The following MACROD2 variants were observed in gnomAD, a reference collection of about 807,000 sequenced individuals.
The protein encoded by MACROD2 is mono-ADP ribosylhydrolase 2.
MACROD2 carries 36 observed loss-of-function variants against 70.4 expected under a neutral mutation model. The observed-to-expected ratio is 0.51, with a 90% confidence interval of 0.39 to 0.68. The LOEUF (loss-of-function observed/expected upper bound fraction) is 0.68. MACROD2 is among the 30% of genes least tolerant of loss of function. MACROD2 has a pLI of 0.00. For synonymous variants in MACROD2, 172 were observed against 178.8 expected, an observed-to-expected ratio of 0.96 and a Z score of 0.30; for missense variants, 496 against 538.4, an observed-to-expected ratio of 0.92 and a Z score of 0.78.
chr20:14,984,310 T>C (rs2074829159), intron 5 of MACROD2, among the ~76,000 whole-genome samples: 1 of 152,170 alleles, frequency 6.6e-6, no homozygotes, highest in Non-Finnish European at 1.5e-5. Flanking sequence ...GGAGAACTAG[T>C]AGTAGCAGGA....
At chr20:15,193,695 C>T (rs2076586600) in intron 5 of MACROD2, among the ~76,000 whole-genome samples, 1 of 151,742 alleles carries the variant, frequency 6.6e-6, no homozygotes, top group Admixed American at 6.6e-5. Flanking sequence ...AATAGCCTGC[C>T]GTCTTGCACG....
intron 5 of MACROD2, among the ~76,000 whole-genome samples, chr20:14,754,974 G>A (rs1600629416): frequency 1.3e-5 from 2 of 152,090 alleles, no homozygotes; most frequent in East Asian, 3.9e-4. Flanking sequence ...AATGGCTTAC[G>A]ATAAGCAAAA....
chr20:14,450,802 G>A (rs536557057), intron 3 of MACROD2, among the ~76,000 whole-genome samples: 6 of 152,012 alleles, frequency 3.9e-5, no homozygotes, highest in Non-Finnish European at 8.8e-5. Context: ...AAGGAAAAGG[G>A]GCTAGAAGGT....
intron 5 of MACROD2, among the ~76,000 whole-genome samples, chr20:15,098,591 G>A (rs2123187186): frequency 6.6e-6 from 1 of 152,304 alleles, no homozygotes; most frequent in Non-Finnish European, 1.5e-5. Context: ...ACTATGCGAG[G>A]CATCATGCTT....
intron 4 of MACROD2, among the ~76,000 whole-genome samples, chr20:14,495,075 ATTGAC>A (rs2084838565): frequency 6.6e-6 from 1 of 152,210 alleles, no homozygotes; most frequent in Non-Finnish European, 1.5e-5. Context: ...ATTTCAAAAA[ATTGAC>A]TTGACTAATT....
chr20:15,561,895 T>C (rs1053627389), intron 8 of MACROD2, among the ~76,000 whole-genome samples: 2 of 151,972 alleles, frequency 1.3e-5, no homozygotes, highest in African/African-American at 4.8e-5. Context: ...AAGAGACTAT[T>C]TAGTAGATCT....
chr20:15,335,604 T>C (rs1828202770), intron 6 of MACROD2, among the ~76,000 whole-genome samples: 1 of 151,746 alleles, frequency 6.6e-6, no homozygotes, highest in African/African-American at 2.4e-5. Flanking sequence ...ACATTAGTAA[T>C]GCAGACAGCC....
At chr20:15,215,609 G>T (rs567634630) in intron 5 of MACROD2, among the ~76,000 whole-genome samples, 2 of 151,940 alleles carry the variant, frequency 1.3e-5, no homozygotes, top group Non-Finnish European at 2.9e-5. Context: ...TCAGAAAAAA[G>T]TGTGAAGGCA....
At chr20:14,595,928 T>C (rs570496131) in intron 4 of MACROD2, among the ~76,000 whole-genome samples, 11 of 152,262 alleles carry the variant, frequency 7.2e-5, no homozygotes, top group Middle Eastern at 6.8e-3. Flanking sequence ...ACGAGGAACA[T>C]TCCTATACTT....
chr20:15,221,916 A>G (rs763664828), intron 5 of MACROD2, among the ~76,000 whole-genome samples: 27 of 152,214 alleles, frequency 1.8e-4, no homozygotes, highest in Non-Finnish European at 3.5e-4. Context: ...GTATGCCTCT[A>G]TCAACTGTAA....
intron 5 of MACROD2, among the ~76,000 whole-genome samples, chr20:15,103,388 C>A: frequency 6.6e-6 from 1 of 152,014 alleles, no homozygotes; most frequent in East Asian, 1.9e-4. Flanking sequence ...TTTTCCTAGA[C>A]ATCCCCAGTA....
At chr20:15,156,463 A>G (rs2076307477) in intron 5 of MACROD2, among the ~76,000 whole-genome samples, 1 of 152,150 alleles carries the variant, frequency 6.6e-6, no homozygotes, top group African/African-American at 2.4e-5. Flanking sequence ...GTCACTGTTG[A>G]CTTATCTCTC....
intron 6 of MACROD2, among the ~76,000 whole-genome samples, chr20:15,363,402 C>T (rs966131645): frequency 1.7e-4 from 26 of 152,162 alleles, no homozygotes; most frequent in African/African-American, 6.0e-4. Context: ...GGAAAACAGA[C>T]ATTTAAAACC....
intron 9 of MACROD2, among the ~76,000 whole-genome samples, chr20:15,869,236 T>TAGAGAGAGAG (rs1423223643): frequency 5.1e-3 from 170 of 33,452 alleles, no homozygotes; most frequent in African/African-American, 0.011. Flanking sequence ...TATATATATA[T>TAGAGAGAGAG]ATAGAGAGAG....
chr20:15,335,943 C>T (rs374283515), intron 6 of MACROD2, among the ~76,000 whole-genome samples: 36 of 151,798 alleles, frequency 2.4e-4, no homozygotes, highest in African/African-American at 3.4e-4. Flanking sequence ...ACATGCCTTG[C>T]GCTTTCTAGC....
At chr20:14,248,746 T>A (rs2081987211) in intron 3 of MACROD2, among the ~76,000 whole-genome samples, 1 of 151,986 alleles carries the variant, frequency 6.6e-6, no homozygotes, top group African/African-American at 2.4e-5. Flanking sequence ...CAGAAAAAAA[T>A]CCCAAATCTG....
intron 6 of MACROD2, among the ~76,000 whole-genome samples, chr20:15,378,373 G>C (rs1011002533): frequency 9.9e-5 from 15 of 151,860 alleles, no homozygotes; most frequent in African/African-American, 3.6e-4. Flanking sequence ...GGCATGAGGA[G>C]ATGATACTGT....
rs546456522 is a variant in MACROD2, at chr20:15,843,876, C to T, written c.646-18869C>T. Among the ~76,000 whole-genome samples, 6 of 152,144 alleles carry T rather than the reference C, an allele frequency of 3.9e-5. No individual in the cohort carries two copies. The South Asian group carries it at 1.2e-3, about 32-fold the overall frequency. ...ATTTTTATGACAAATCATGCTGTAACCTTTGTAAGTTGGACATCAGTAATG... is the reference window on the plus strand; with the variant it reads ...ATTTTTATGACAAATCATGCTGTAATCTTTGTAAGTTGGACATCAGTAATG... On this transcript the variant is annotated intron_variant, in intron 8 of 17. Coordinates refer to ENST00000684519, the MANE Select transcript of MACROD2 (RefSeq NM_001351661.2).
At chr20:14,758,155 A>T (rs924194269) in intron 5 of MACROD2, 3 of 307,904 alleles carry the variant, frequency 9.7e-6, no homozygotes, top group East Asian at 6.8e-5. Flanking sequence ...CAGATTTATT[A>T]AAAAAATAAA....
Sources: allele counts gnomAD v4.1 joint callset (sites outside exome capture counted in the v4.1 genomes callset), GRCh38; gene constraint gnomAD v4.1.1; transcripts MANE v1.5; gene names NCBI Gene and HGNC (gene_info 2026-07-23, HGNC 2026-07-21).